The following SYNC variants were observed in gnomAD, a reference collection of about 807,000 sequenced individuals.
The protein encoded by SYNC is syncoilin.
SYNC carries 38 observed loss-of-function variants against 49.5 expected under a neutral mutation model. That is an observed-to-expected ratio of 0.77 (90% CI 0.59 to 1.01). SYNC has a LOEUF of 1.01. Among genes scored for constraint, SYNC ranks in the 50% least tolerant of loss-of-function variants. The probability of loss-of-function intolerance (pLI) is 0.00; values close to 1 mark genes in which losing one functional copy is unlikely to be tolerated. For synonymous variants in SYNC, 201 were observed against 230.8 expected, an observed-to-expected ratio of 0.87 and a Z score of 1.17; for missense variants, 579 against 580.6, an observed-to-expected ratio of 1.00 and a Z score of 0.03.
At chr1:32,682,529 T>G (rs1649512837) in intron 4 of SYNC, 1 of 152,206 alleles carries the variant, frequency 6.6e-6, no homozygotes, top group Non-Finnish European at 1.5e-5. Flanking sequence ...TCCCAGCACT[T>G]TGAGAGGCTG....
chr1:32,699,028 C>A (rs1047399898), intron 1 of SYNC, among the ~76,000 whole-genome samples: 11 of 152,002 alleles, frequency 7.2e-5, no homozygotes, highest in Non-Finnish European at 1.6e-4. Flanking sequence ...GATCCTCCTA[C>A]CTAGACCTCC....
chr1:32,688,403 C>G (rs1219707588), intron 2 of SYNC, among the ~76,000 whole-genome samples: 1 of 152,122 alleles, frequency 6.6e-6, no homozygotes, highest in African/African-American at 2.4e-5. Flanking sequence ...CCTCTTTTGC[C>G]CAGGCTGGGG....
intron 1 of SYNC, among the ~76,000 whole-genome samples, chr1:32,699,719 C>T (rs1650591562): frequency 7.2e-6 from 1 of 139,284 alleles, no homozygotes; most frequent in South Asian, 2.4e-4. Flanking sequence ...AGATGTGGCC[C>T]AAACATACCT....
chr1:32,693,080 T>TCG (rs375353385), intron 2 of SYNC, among the ~76,000 whole-genome samples: 1 of 137,914 alleles, frequency 7.3e-6, no homozygotes, highest in Non-Finnish European at 1.6e-5. Flanking sequence ...TTTTTTTGTT[T>TCG]GTTTGTTTTT....
Position 32,681,562 on chromosome 1 carries a change from G to A in SYNC, c.*288C>T, listed in dbSNP as rs1649438251. 1.8e-6 allele frequency: 1 copy of A among 548,366 alleles called. No homozygotes were observed. Among genetic ancestry groups the A allele is most frequent in the Non-Finnish European group, 3.3e-6 (1 of 307,304 alleles). The allele number at this position is 548,366 out of a possible 1,614,324, so 34.0% of individuals were successfully genotyped here. A position where few individuals can be genotyped will look rare whatever the true frequency, so the allele number is the denominator to read the frequency against. On this transcript the variant is annotated 3_prime_UTR_variant, in exon 5 of 5. Transcript: ENST00000409190. ...TCCTTCACTCAGTGCATATGTGAGG[G>A]TTGTTGCTGGAAGACAGGAGGCTCA...
chr1:32,681,885 A>C, intron 4 of SYNC, 25 bp from the exon 5 acceptor site: 1 of 1,605,434 alleles, frequency 6.2e-7, no homozygotes. Flanking sequence ...GAAAAAGTTT[A>C]TAACAGTGAA....
Position 32,695,266 on chromosome 1 carries a change from T to C in SYNC, c.832A>G (p.Thr278Ala), listed in dbSNP as rs186046877. 3.2e-4 allele frequency: 498 copies of C among 1,551,848 alleles called. 5 individuals are homozygous for C. The East Asian group carries it at 0.011, about 35-fold the overall frequency. ...AQFADFREVL[T>A]TRATQLSEEL... is the part of the protein sequence containing the mutation. ...TCTGAGAGCTGGGTTGCCCTTGTAG[T>C]CAGCACTTCCCGGAAATCGGCAAAC... Residue 278 changes from threonine to alanine, a missense_variant, in exon 2 of 5, where the codon ACT (threonine) becomes GCT (alanine). Thr to Ala is a moderately conservative substitution (Grantham distance 58, BLOSUM62 0). Transcript: ENST00000409190.
chr1:32,698,694 C>T (rs903122680), intron 1 of SYNC, among the ~76,000 whole-genome samples: 6 of 152,110 alleles, frequency 3.9e-5, no homozygotes, highest in Non-Finnish European at 8.8e-5. Flanking sequence ...CCAGCTCAGT[C>T]AGTTCCCACT....
intron 1 of SYNC, among the ~76,000 whole-genome samples, chr1:32,701,969 G>A (rs1296952868): frequency 6.6e-6 from 1 of 152,180 alleles, no homozygotes; most frequent in Non-Finnish European, 1.5e-5. Flanking sequence ...CGGGAGCTAT[G>A]TATTTGCACC....
At chr1:32,684,562 A>G in intron 2 of SYNC, 180 bp from the exon 3 acceptor site, 1 of 873,186 alleles carries the variant, frequency 1.1e-6, no homozygotes, top group South Asian at 1.9e-5. Flanking sequence ...AAAAAAAGTG[A>G]CAATGCTTTT....
intron 2 of SYNC, chr1:32,685,052 A>AT (rs1231854559): frequency 6.6e-6 from 1 of 152,114 alleles, no homozygotes; most frequent in African/African-American, 2.4e-5. Context: ...GGGTCTCGCT[A>AT]TGTTGCCCAG....
At position 32,695,462 on chromosome 1, in the gene SYNC, CT is replaced by C. The variant is rs1650373461; in HGVS notation, c.635del (p.Gln212ArgfsTer24). Reference sequence around the variant, plus strand: ...CAGCCAGGATGTCTTGATGGACTTGCTGTACCTCCTGCAGGGCTGGTTCCCG... The same window carrying C: ...CAGCCAGGATGTCTTGATGGACTTGCGTACCTCCTGCAGGGCTGGTTCCCG... ...LLREPALQEV[Q>X]QVHQDILAAY... On this transcript the variant is annotated frameshift_variant, in exon 2 of 5. Coordinates refer to ENST00000409190, the MANE Select transcript of SYNC (RefSeq NM_030786.3). LOFTEE classifies it high-confidence loss of function. The C allele has an allele frequency of 1.3e-6, 2 of 1,551,438 alleles. No homozygotes were observed. Among genetic ancestry groups the C allele is most frequent in the Admixed American group, 3.9e-5 (2 of 50,884 alleles).
chr1:32,694,501 A>G (rs1266869780), intron 2 of SYNC, among the ~76,000 whole-genome samples: 2 of 152,028 alleles, frequency 1.3e-5, no homozygotes, highest in Non-Finnish European at 2.9e-5. Context: ...AAAAATACAA[A>G]AAAATAGCCG....
intron 1 of SYNC, among the ~76,000 whole-genome samples, chr1:32,701,075 C>T (rs1287904541): frequency 6.6e-6 from 1 of 152,152 alleles, no homozygotes; most frequent in East Asian, 1.9e-4. Flanking sequence ...GCCACCACGC[C>T]TGGCTAATTT....
chr1:32,680,693 C>A lies in SYNC; in HGVS notation c.*1157G>T. Reference sequence around the variant, plus strand: ...GTTTTATTTAGTATAAAACATCCATCAAACACCAGTCTCTGGCTTCTAGAA... The same window carrying A: ...GTTTTATTTAGTATAAAACATCCATAAAACACCAGTCTCTGGCTTCTAGAA... On this transcript the variant is annotated 3_prime_UTR_variant, in exon 5 of 5. Transcript: ENST00000409190. The A allele has an allele frequency of 1.5e-6, 1 of 681,882 alleles. No individual in the cohort carries two copies. The highest frequency in any genetic ancestry group is 2.4e-6 in the Non-Finnish European group (1 of 417,076). The allele number at this position is 681,882 out of a possible 1,614,324, so 42.2% of individuals were successfully genotyped here. A position where few individuals can be genotyped will look rare whatever the true frequency, so the allele number is the denominator to read the frequency against.
intron 1 of SYNC, among the ~76,000 whole-genome samples, chr1:32,701,072 C>A (rs781722172): frequency 6.6e-6 from 1 of 152,108 alleles, no homozygotes; most frequent in Non-Finnish European, 1.5e-5. Context: ...CACGCCACCA[C>A]GCCTGGCTAA....
chr1:32,681,619 A>G lies in SYNC; in HGVS notation c.*231T>C. On this transcript the variant is annotated 3_prime_UTR_variant, in exon 5 of 5. Coordinates refer to ENST00000409190, the MANE Select transcript of SYNC (RefSeq NM_030786.3). ...CTTTCCTTGGTGCATTGAGATCAGT[A>G]TCAACAGCAGATGAAATAGAATCCA... is the stretch of plus-strand genomic sequence containing the variant. 1.6e-6 allele frequency: 1 copy of G among 630,088 alleles called. No homozygotes were observed. The highest frequency in any genetic ancestry group is 2.8e-6 in the Non-Finnish European group (1 of 358,344). The allele number at this position is 630,088 out of a possible 1,614,324, so 39.0% of individuals were successfully genotyped here. A position where few individuals can be genotyped will look rare whatever the true frequency, so the allele number is the denominator to read the frequency against.
chr1:32,700,299 C>A (rs191073999), intron 1 of SYNC, among the ~76,000 whole-genome samples: 2 of 152,238 alleles, frequency 1.3e-5, no homozygotes, highest in African/African-American at 4.8e-5. Context: ...TCCCAGCAGA[C>A]GGCCCTTTCA....
intron 2 of SYNC, among the ~76,000 whole-genome samples, chr1:32,689,657 G>C (rs1194714632): frequency 6.6e-6 from 1 of 152,014 alleles, no homozygotes; most frequent in South Asian, 2.1e-4. Flanking sequence ...GAAGTAAGCT[G>C]ATGGGCCGGG....
Sources: allele counts gnomAD v4.1 joint callset (sites outside exome capture counted in the v4.1 genomes callset), GRCh38; gene constraint gnomAD v4.1.1; transcripts MANE v1.5; gene names NCBI Gene and HGNC (gene_info 2026-07-23, HGNC 2026-07-21).